The following RDX variants were observed in gnomAD, a reference collection of about 807,000 sequenced individuals.
RDX encodes radixin.
A neutral mutation model predicts 83.7 loss-of-function variants in RDX; 32 were observed. That is an observed-to-expected ratio of 0.38 (90% confidence interval 0.29 to 0.51). The LOEUF is 0.51. RDX is among the 20% of genes least tolerant of loss of function. RDX has a pLI of 0.87. For missense variants in RDX, 600 were observed against 689.9 expected (o/e 0.87, Z 1.46); for synonymous variants, 229 against 222.7 (o/e 1.03, Z -0.25).
intron 15 of RDX, among the ~76,000 whole-genome samples, chr11:110,184,122 G>A (rs1305364634): frequency 6.6e-6 from 1 of 152,226 alleles, no homozygotes; most frequent in Non-Finnish European, 1.5e-5. Flanking sequence ...GCACGTGAGA[G>A]CCCAAGGGCA....
intron 5 of RDX, among the ~76,000 whole-genome samples, chr11:110,260,762 A>C (rs1457735286): frequency 6.6e-6 from 1 of 152,216 alleles, no homozygotes; most frequent in Non-Finnish European, 1.5e-5. Flanking sequence ...ATTTGCATAT[A>C]ACCTATGCAC....
At chr11:110,253,320 A>AT (rs1419742197) in intron 9 of RDX, among the ~76,000 whole-genome samples, 10 of 152,242 alleles carry the variant, frequency 6.6e-5, no homozygotes, top group Admixed American at 3.3e-4. Context: ...TGGTCTCTAA[A>AT]TTTTTTCAAG....
chr11:110,256,737 C>T (rs764228287), intron 7 of RDX, among the ~76,000 whole-genome samples: 2 of 152,090 alleles, frequency 1.3e-5, no homozygotes, highest in Non-Finnish European at 2.9e-5. Flanking sequence ...ATTCAGTTTA[C>T]AAAAATTAGT....
At chr11:110,210,415 G>T (rs1863789018) in intron 14 of RDX, among the ~76,000 whole-genome samples, 1 of 132,400 alleles carries the variant, frequency 7.6e-6, no homozygotes, top group African/African-American at 3.0e-5. Flanking sequence ...AAAACACTCT[G>T]CAGGATATTA....
intron 15 of RDX, among the ~76,000 whole-genome samples, chr11:110,193,547 G>T (rs77747873): frequency 2.4e-5 from 1 of 41,856 alleles, no homozygotes; most frequent in Non-Finnish European, 5.0e-5. Flanking sequence ...AAACAAAATA[G>T]AATAAACTAT....
At chr11:110,215,047 AAAATAT>A (rs1214636885) in intron 14 of RDX, among the ~76,000 whole-genome samples, 3 of 116,052 alleles carry the variant, frequency 2.6e-5, no homozygotes, top group South Asian at 2.6e-4. Flanking sequence ...AAAAAAAAAA[AAAATAT>A]ATATATATAT....
chr11:110,248,134 T>C (rs1413068039), intron 9 of RDX, among the ~76,000 whole-genome samples: 12 of 152,176 alleles, frequency 7.9e-5, no homozygotes, highest in Admixed American at 7.9e-4. Flanking sequence ...GGGTATAGTG[T>C]ACATTGCTCG....
chr11:110,254,902 C>T (rs1859481327), intron 8 of RDX, among the ~76,000 whole-genome samples: 1 of 152,050 alleles, frequency 6.6e-6, no homozygotes, highest in Non-Finnish European at 1.5e-5. Context: ...CTTCAAGTTA[C>T]AAAAATACAA....
At chr11:110,188,343 A>G (rs138473989) in intron 15 of RDX, among the ~76,000 whole-genome samples, 2,477 of 150,010 alleles carry the variant, frequency 0.017, 86 homozygotes, top group African/African-American at 0.056. Flanking sequence ...AATAACAATA[A>G]TAATGGCATT....
intron 1 of RDX, among the ~76,000 whole-genome samples, chr11:110,282,963 C>CA (rs1392213362): frequency 6.6e-6 from 1 of 151,512 alleles, no homozygotes; most frequent in African/African-American, 2.4e-5. Flanking sequence ...GGCAACAGGG[C>CA]AAGATTCTGT....
At chr11:110,289,956 CA>C (rs58146009) in intron 1 of RDX, among the ~76,000 whole-genome samples, 370 of 35,460 alleles carry the variant, frequency 0.01, 1 homozygote, top group African/African-American at 0.041. Flanking sequence ...GAGACTGTCT[CA>C]AAAAAAAAAA....
intron 14 of RDX, among the ~76,000 whole-genome samples, chr11:110,206,647 G>T (rs1401377373): frequency 6.6e-6 from 1 of 152,020 alleles, no homozygotes; most frequent in Non-Finnish European, 1.5e-5. Flanking sequence ...ATTTCTACTA[G>T]ATGCATTTCA....
In RDX at chr11:110,236,092, T is replaced by C. The variant is rs1020639400; in HGVS notation, c.1344+7A>G. 7 of 1,593,466 alleles carry C rather than the reference T, an allele frequency of 4.4e-6. No individual in the cohort carries two copies. The African/African-American group carries it at 8.0e-5, about 18-fold the overall frequency. On this transcript the variant is annotated splice_region_variant and intron_variant, in intron 12 of 13. Transcript: ENST00000645495. ...CAATAAAAGCTAGTAAATGAATAAATGATTACTTTGTGTTGCCACTCAGTA... is the reference window on the plus strand; with the variant it reads ...CAATAAAAGCTAGTAAATGAATAAACGATTACTTTGTGTTGCCACTCAGTA...
At chr11:110,265,643 C>G (rs1274421991) in intron 3 of RDX, among the ~76,000 whole-genome samples, 1 of 152,146 alleles carries the variant, frequency 6.6e-6, no homozygotes, top group African/African-American at 2.4e-5. Context: ...TCTACCTTCA[C>G]TGAGCAAGAA....
At chr11:110,189,582 C>G (rs181906560) in intron 15 of RDX, among the ~76,000 whole-genome samples, 1 of 152,224 alleles carries the variant, frequency 6.6e-6, no homozygotes, top group Admixed American at 6.5e-5. Context: ...ACAGAAAATA[C>G]TGTAAGATTG....
chr11:110,227,615 T>C (rs890810341), downstream of RDX, among the ~76,000 whole-genome samples: 7 of 152,110 alleles, frequency 4.6e-5, no homozygotes, highest in African/African-American at 1.4e-4. Context: ...AATAGATAAA[T>C]GCAAATGATC....
intron 1 of RDX, among the ~76,000 whole-genome samples, chr11:110,289,012 C>A (rs940507765): frequency 6.6e-6 from 1 of 152,092 alleles, no homozygotes; most frequent in South Asian, 2.1e-4. Flanking sequence ...CCCAGGTGAG[C>A]GGATCACCTG....
chr11:110,181,129 T>TAC (rs1388327550), intron 15 of RDX, among the ~76,000 whole-genome samples: 5 of 150,342 alleles, frequency 3.3e-5, no homozygotes, highest in Admixed American at 2.0e-4. Flanking sequence ...GGACCCAGGC[T>TAC]ACACACACAC....
chr11:110,263,281 G>C (rs925861543), intron 5 of RDX: 12 of 151,148 alleles, frequency 7.9e-5, no homozygotes, highest in Admixed American at 2.6e-4. Context: ...TCTATCTCGG[G>C]GGGGGAAAAA....
Sources: gnomAD v4.1 joint callset for allele counts (sites outside exome capture counted in the v4.1 genomes callset) on GRCh38, gnomAD v4.1.1 for gene constraint, MANE v1.5 for transcripts, NCBI Gene and HGNC (gene_info 2026-07-23, HGNC 2026-07-21) for gene names.